Variants in CMSS1 observed in about 807,000 individuals in gnomAD.
The protein encoded by CMSS1 is cms1 ribosomal small subunit homolog.
In CMSS1, 33 loss-of-function variants were observed where a neutral mutation model predicts 43.5. That is an observed-to-expected ratio of 0.76 (90% CI 0.57 to 1.01). The LOEUF (loss-of-function observed/expected upper bound fraction) is 1.01, where lower values mean the gene tolerates loss of function less well. Among genes scored for constraint, CMSS1 ranks in the 50% least tolerant of loss-of-function variants. CMSS1 has a pLI of 0.00. For synonymous variants in CMSS1, 115 were observed against 117.2 expected (o/e 0.98, Z 0.12); for missense variants, 313 against 326.4 (o/e 0.96, Z 0.32).
intron 1 of CMSS1, among the ~76,000 whole-genome samples, chr3:100,044,205 T>C (rs1430391225): frequency 6.6e-6 from 1 of 152,244 alleles, no homozygotes; most frequent in Admixed American, 6.5e-5. Context: ...CAAATTTTGA[T>C]TGAGCGTCTT....
At position 100,062,093 on chromosome 3, in the gene CMSS1, C is replaced by CTTTTTTTTTTTTTTTTTTT. The variant is rs71907944; in HGVS notation, c.65-84862_65-84844dup. On this transcript the variant is annotated intron_variant, in intron 1 of 9. Coordinates refer to ENST00000421999, the MANE Select transcript of CMSS1 (RefSeq NM_032359.4). ...CCACTTGTGGTTATCCTGTCTTCTT[C>CTTTTTTTTTTTTTTTTTTT]TTTTTTTTTTTTTTTTTTTTTTTTT... 1.5e-3 allele frequency among the ~76,000 whole-genome samples: 78 copies of CTTTTTTTTTTTTTTTTTTT among 53,180 alleles called. 14 individuals are homozygous for CTTTTTTTTTTTTTTTTTTT. Among genetic ancestry groups the CTTTTTTTTTTTTTTTTTTT allele is most frequent in the Non-Finnish European group, 2.1e-3 (63 of 29,474 alleles). The allele number at this position is 53,180 out of a possible 152,430, so 34.9% of individuals were successfully genotyped here. A position where few individuals can be genotyped will look rare whatever the true frequency, so the allele number is the denominator to read the frequency against.
At chr3:99,893,104 G>A (rs1210845037) in intron 1 of CMSS1, among the ~76,000 whole-genome samples, 1 of 150,578 alleles carries the variant, frequency 6.6e-6, no homozygotes, top group African/African-American at 2.4e-5. Flanking sequence ...GGGATTTTTA[G>A]AAGACACCTT....
At chr3:100,071,295 G>A (rs904117665) in intron 1 of CMSS1, among the ~76,000 whole-genome samples, 7 of 152,226 alleles carry the variant, frequency 4.6e-5, no homozygotes, top group Admixed American at 3.9e-4. Context: ...GTAAGATGGA[G>A]AAACTTGTAC....
At chr3:99,963,219 T>G (rs1262364836) in intron 1 of CMSS1, among the ~76,000 whole-genome samples, 1 of 152,234 alleles carries the variant, frequency 6.6e-6, no homozygotes, top group Admixed American at 6.5e-5. Context: ...CATGAAGGTA[T>G]AGTTGCCCCA....
intron 1 of CMSS1, among the ~76,000 whole-genome samples, chr3:99,991,895 T>C (rs1218730027): frequency 6.7e-6 from 1 of 149,840 alleles, no homozygotes; most frequent in Non-Finnish European, 1.5e-5. Flanking sequence ...TATATATGTG[T>C]GTATATATAT....
At chr3:99,893,141 G>C (rs1048225779) in intron 1 of CMSS1, among the ~76,000 whole-genome samples, 1 of 146,874 alleles carries the variant, frequency 6.8e-6, no homozygotes, top group African/African-American at 2.5e-5. Flanking sequence ...TCTATTTCCA[G>C]TAACAAAATT....
intron 1 of CMSS1, among the ~76,000 whole-genome samples, chr3:99,939,274 C>T (rs558108778): frequency 1.1e-4 from 16 of 152,300 alleles, no homozygotes; most frequent in African/African-American, 3.4e-4. Context: ...AAAGTGCTTC[C>T]TTGTTGTGAG....
chr3:99,896,510 T>G (rs1706257968), intron 1 of CMSS1, among the ~76,000 whole-genome samples: 2 of 152,118 alleles, frequency 1.3e-5, no homozygotes, highest in South Asian at 4.2e-4. Flanking sequence ...ACAGAGTCCT[T>G]TGAGAGAAAG....
At chr3:100,041,144 C>T (rs575241004) in intron 1 of CMSS1, 3 of 152,286 alleles carry the variant, frequency 2.0e-5, no homozygotes, top group African/African-American at 7.2e-5. Context: ...TAGCTAAATG[C>T]AAGAAATCAC....
chr3:100,027,037 G>T lies in CMSS1; in HGVS notation c.65-119936G>T, dbSNP rs564890667. 7.1e-4 allele frequency among the ~76,000 whole-genome samples: 108 copies of T among 152,124 alleles called. No individual in the cohort carries two copies. The South Asian group carries it at 0.022, about 31-fold the overall frequency. On this transcript the variant is annotated intron_variant, in intron 1 of 9. Transcript: ENST00000421999. ...GTCCTTGCTGTTCCCTATTTTTCCA[G>T]GTATCTCTACGGCCCATTCATCCCC...
chr3:99,949,292 G>A (rs774617898), intron 1 of CMSS1, among the ~76,000 whole-genome samples: 71 of 152,270 alleles, frequency 4.7e-4, no homozygotes, highest in Admixed American at 1.5e-3. Context: ...TGACATATTT[G>A]TATGATTCAG....
At chr3:99,890,823 C>G (rs1233225741) in intron 1 of CMSS1, among the ~76,000 whole-genome samples, 1 of 151,640 alleles carries the variant, frequency 6.6e-6, no homozygotes, top group Admixed American at 6.6e-5. Context: ...CATTTAATGT[C>G]ACTGGCTTTC....
At chr3:99,862,262 A>G (rs1243560887) in intron 1 of CMSS1, among the ~76,000 whole-genome samples, 1 of 152,060 alleles carries the variant, frequency 6.6e-6, no homozygotes, top group African/African-American at 2.4e-5. Flanking sequence ...GGCATATTGG[A>G]AAAAAAAGTA....
At chr3:100,081,519 G>T (rs1350762900) in intron 1 of CMSS1, among the ~76,000 whole-genome samples, 1 of 152,102 alleles carries the variant, frequency 6.6e-6, no homozygotes, top group Non-Finnish European at 1.5e-5. Flanking sequence ...TATCTCTGTG[G>T]ATAGCTCAGG....
intron 1 of CMSS1, among the ~76,000 whole-genome samples, chr3:99,968,729 G>A (rs1228654684): frequency 6.6e-6 from 1 of 152,208 alleles, no homozygotes; most frequent in Non-Finnish European, 1.5e-5. Flanking sequence ...AAGAAAAAAT[G>A]AGAGGAGAGA....
chr3:99,978,251 T>TA (rs758883542), intron 1 of CMSS1, among the ~76,000 whole-genome samples: 1 of 152,088 alleles, frequency 6.6e-6, no homozygotes, highest in Non-Finnish European at 1.5e-5. Flanking sequence ...ATTTAAGTTT[T>TA]AAAAAAATGA....
chr3:100,143,044 G>A (rs2066817752), intron 1 of CMSS1, among the ~76,000 whole-genome samples: 1 of 152,198 alleles, frequency 6.6e-6, no homozygotes, highest in African/African-American at 2.4e-5. Flanking sequence ...ACAGAGGCAA[G>A]AGGAAGAAGG....
At chr3:99,896,945 T>G (rs1303539845) in intron 1 of CMSS1, among the ~76,000 whole-genome samples, 2 of 152,228 alleles carry the variant, frequency 1.3e-5, no homozygotes, top group African/African-American at 4.8e-5. Flanking sequence ...ATAGAAAATG[T>G]ATTTTCAGTC....
intron 1 of CMSS1, chr3:99,850,507 A>G: frequency 6.2e-7 from 1 of 1,612,994 alleles, no homozygotes; most frequent in Non-Finnish European, 8.5e-7. Context: ...CTCCATTTTT[A>G]TGAGCTCTTC....
Sources: allele counts gnomAD v4.1 joint callset (sites outside exome capture counted in the v4.1 genomes callset), GRCh38; gene constraint gnomAD v4.1.1; transcripts MANE v1.5; gene names NCBI Gene and HGNC (gene_info 2026-07-23, HGNC 2026-07-21).